The following RANBP2 variants were observed in gnomAD, a reference collection of about 807,000 sequenced individuals.
The protein encoded by RANBP2 is E3 SUMO-protein ligase RanBP2.
In RANBP2, 57 loss-of-function variants were observed where a neutral mutation model predicts 303.6. That is an observed-to-expected ratio of 0.19 (90% CI 0.15 to 0.23). The LOEUF (loss-of-function observed/expected upper bound fraction) is 0.23. Among genes scored for constraint, RANBP2 ranks in the 10% least tolerant of loss-of-function variants. RANBP2 has a pLI of 1.00. For synonymous variants in RANBP2, 1,167 were observed against 1,301.5 expected (o/e 0.90, Z 2.23); for missense variants, 3,138 against 3,780.8 (o/e 0.83, Z 4.46).
the RANBP2 span, among the ~76,000 whole-genome samples, chr2:109,250,563 T>G: frequency 6.6e-6 from 1 of 151,946 alleles, no homozygotes; most frequent in South Asian, 2.1e-4. Context: ...TTTCAAAACA[T>G]GATAAATACA....
chr2:109,422,224 C>T, the RANBP2 span, among the ~76,000 whole-genome samples: 24 of 152,294 alleles, frequency 1.6e-4, no homozygotes, highest in Admixed American at 6.5e-4. Context: ...CTGCCCATTG[C>T]GGGTCTGCAG....
chr2:109,561,346 A>C, the RANBP2 span, among the ~76,000 whole-genome samples: 3 of 151,526 alleles, frequency 2.0e-5, no homozygotes, highest in African/African-American at 7.3e-5. Flanking sequence ...GAACCCCCCC[A>C]CCCACACAAC....
the RANBP2 span, among the ~76,000 whole-genome samples, chr2:109,000,560 A>C: frequency 6.6e-6 from 1 of 152,144 alleles, no homozygotes; most frequent in Non-Finnish European, 1.5e-5. Context: ...AACCCAAAAT[A>C]AACAAAACAT....
chr2:109,732,930 A>C, the RANBP2 span: 1 of 712,648 alleles, frequency 1.4e-6, no homozygotes, highest in African/African-American at 1.8e-5. Flanking sequence ...TGTGTAGGAG[A>C]GGAACTGTCA....
At chr2:109,528,266 C>T in the RANBP2 span, among the ~76,000 whole-genome samples, 2 of 152,208 alleles carry the variant, frequency 1.3e-5, no homozygotes, top group African/African-American at 4.8e-5. Flanking sequence ...CCTGAGTACA[C>T]GCTCCATCCT....
the RANBP2 span, among the ~76,000 whole-genome samples, chr2:109,707,109 ACT>A: frequency 6.6e-6 from 1 of 152,234 alleles, no homozygotes; most frequent in East Asian, 1.9e-4. Context: ...AACAAATATT[ACT>A]TTTTTGATAA....
the RANBP2 span, among the ~76,000 whole-genome samples, chr2:109,625,683 A>C: frequency 1.3e-5 from 2 of 152,098 alleles, no homozygotes; most frequent in Non-Finnish European, 2.9e-5. Context: ...ATAAAATAAA[A>C]ATACAAATAA....
At chr2:108,959,785 T>C in the RANBP2 span, among the ~76,000 whole-genome samples, 2 of 152,180 alleles carry the variant, frequency 1.3e-5, no homozygotes, top group Non-Finnish European at 2.9e-5. Context: ...TGGCTGAAAA[T>C]GAGAAAGATA....
the RANBP2 span, among the ~76,000 whole-genome samples, chr2:109,548,472 C>T: frequency 1.8e-4 from 28 of 152,244 alleles, no homozygotes; most frequent in Non-Finnish European, 1.3e-4. Context: ...GCATGAGCCA[C>T]AGCGCCTGGC....
At chr2:109,564,324 C>T in the RANBP2 span, 2 of 1,472,154 alleles carry the variant, frequency 1.4e-6, no homozygotes. Flanking sequence ...GCAATCCTCT[C>T]TAACTTCCTC....
At chr2:109,320,359 A>C in the RANBP2 span, among the ~76,000 whole-genome samples, 27 of 152,278 alleles carry the variant, frequency 1.8e-4, no homozygotes, top group Admixed American at 1.4e-3. Flanking sequence ...TCCCAAGCCC[A>C]CCTGAGCAGC....
the RANBP2 span, among the ~76,000 whole-genome samples, chr2:108,794,272 C>T: frequency 6.6e-6 from 1 of 152,172 alleles, no homozygotes; most frequent in South Asian, 2.1e-4. Context: ...CAATTAGTGT[C>T]TTTTTATATC....
At chr2:109,630,716 C>T in the RANBP2 span, among the ~76,000 whole-genome samples, 7 of 152,152 alleles carry the variant, frequency 4.6e-5, no homozygotes, top group Admixed American at 4.6e-4. Flanking sequence ...AAACAAGGAT[C>T]AGGAAAGACT....
the RANBP2 span, among the ~76,000 whole-genome samples, chr2:109,222,154 A>G: frequency 6.8e-4 from 98 of 143,720 alleles, 1 homozygote; most frequent in East Asian, 0.019. Flanking sequence ...AGGTGCTCGC[A>G]TGAAGACAGA....
At chr2:109,492,766 G>A in the RANBP2 span, among the ~76,000 whole-genome samples, 6,586 of 152,178 alleles carry the variant, frequency 0.043, 194 homozygotes, top group Non-Finnish European at 0.066. Context: ...TGTAGGGTGC[G>A]CAGTCAGCAG....
chr2:109,086,237 G>A, the RANBP2 span, among the ~76,000 whole-genome samples: 32 of 152,112 alleles, frequency 2.1e-4, no homozygotes, highest in Non-Finnish European at 3.7e-4. Flanking sequence ...CTGAGCACTC[G>A]GGTGCAGGTA....
the RANBP2 span, chr2:109,614,045 C>G: frequency 1 from 1,209,856 of 1,210,834 alleles, 604,447 homozygotes; most frequent in Middle Eastern, 1. Context: ...AGCGTTTTGC[C>G]TGCGCCAAGC....
At chr2:109,578,565 G>A in the RANBP2 span, among the ~76,000 whole-genome samples, 1 of 151,968 alleles carries the variant, frequency 6.6e-6, no homozygotes. Flanking sequence ...TCAGGAGTTC[G>A]AGGCCAGTCT....
the RANBP2 span, among the ~76,000 whole-genome samples, chr2:108,850,257 A>C: frequency 3.3e-5 from 5 of 152,306 alleles, no homozygotes; most frequent in East Asian, 9.6e-4. Context: ...ATCAGTTTCA[A>C]ATTTGATAAA....
Sources: gnomAD v4.1 joint callset for allele counts (sites outside exome capture counted in the v4.1 genomes callset) on GRCh38, gnomAD v4.1.1 for gene constraint, MANE v1.5 for transcripts, NCBI Gene and HGNC (gene_info 2026-07-23, HGNC 2026-07-21) for gene names.